The following SLC27A2 variants were observed in gnomAD, a reference collection of about 807,000 sequenced individuals.
SLC27A2 encodes long-chain fatty acid transport protein 2.
Under a neutral mutation model 60.0 loss-of-function variants are expected in SLC27A2, and 54 were observed. That is an observed-to-expected ratio of 0.90 (90% confidence interval 0.72 to 1.13). SLC27A2 has a LOEUF of 1.13. Among genes scored for constraint, SLC27A2 ranks in the 50% most tolerant of loss-of-function variants. The pLI, the probability that SLC27A2 is intolerant of heterozygous loss-of-function variation, is 0.00. For missense variants in SLC27A2, 739 were observed against 777.6 expected (o/e 0.95, Z 0.59); for synonymous variants, 297 against 297.6 (o/e 1.00, Z 0.02).
At chr15:50,212,659 T>C (rs1173216667) in intron 4 of SLC27A2, among the ~76,000 whole-genome samples, 1 of 152,190 alleles carries the variant, frequency 6.6e-6, no homozygotes, top group East Asian at 1.9e-4. Flanking sequence ...AAAACAAGTG[T>C]AAGCCAAGAA....
At chr15:50,216,755 TATATATATATTCCATAAAA>T (rs1310739019) in intron 4 of SLC27A2, among the ~76,000 whole-genome samples, 26 of 144,872 alleles carry the variant, frequency 1.8e-4, no homozygotes, top group African/African-American at 6.3e-4. Context: ...CCATATGATA[TATATATATATTCCATAAAA>T]ATATATATAT....
At chr15:50,220,684 T>C (rs1395388163) in intron 4 of SLC27A2, among the ~76,000 whole-genome samples, 2 of 152,178 alleles carry the variant, frequency 1.3e-5, no homozygotes, top group Non-Finnish European at 2.9e-5. Context: ...GGTCTCTGAA[T>C]ACTGACAGTC....
intron 3 of SLC27A2, among the ~76,000 whole-genome samples, chr15:50,204,130 CTTA>C (rs2045088845): frequency 6.6e-6 from 1 of 152,134 alleles, no homozygotes; most frequent in South Asian, 2.1e-4. Context: ...CACATAAGTA[CTTA>C]ACACAAACTT....
chr15:50,214,440 A>T lies in SLC27A2; in HGVS notation c.973-8525A>T, dbSNP rs144813858. On this transcript the variant is annotated intron_variant, in intron 4 of 9. Coordinates refer to ENST00000267842, the MANE Select transcript of SLC27A2 (RefSeq NM_003645.4). The stretch of plus-strand genomic sequence containing the variant: ...TTTGACACTATTCCACAAGATAGAG[A>T]AAGAAGGAACCCTCCCTAATTCATT... Among the ~76,000 whole-genome samples, 663 of 152,220 alleles carry T rather than the reference A, an allele frequency of 4.4e-3. 7 individuals are homozygous for T. Among genetic ancestry groups the T allele is most frequent in the African/African-American group, 0.015 (626 of 41,534 alleles).
intron 1 of SLC27A2, among the ~76,000 whole-genome samples, chr15:50,185,215 C>G (rs1179696999): frequency 6.6e-6 from 1 of 152,184 alleles, no homozygotes; most frequent in Non-Finnish European, 1.5e-5. Context: ...ACCCAGCTAA[C>G]AGTTGTCTGC....
At chr15:50,226,183 G>A (rs998717279) in intron 6 of SLC27A2, 105 bp downstream of exon 6, 12 of 686,466 alleles carry the variant, frequency 1.7e-5, no homozygotes, top group Non-Finnish European at 7.8e-6. Context: ...TATCAGAGTG[G>A]GGAAAAGGGG....
rs199584990 is a variant in SLC27A2, at chr15:50,192,887, GA to G, written c.479-4603del. On this transcript the variant is annotated intron_variant, in intron 1 of 9. Transcript: ENST00000267842. ...ATGATTACTTGGAGGTGAAAAATAA[GA>G]AAAAAAAAAGACTGTTGCTAAGTCC... 3.8e-3 allele frequency among the ~76,000 whole-genome samples: 549 copies of G among 146,292 alleles called. 3 individuals carry two copies. The highest frequency in any genetic ancestry group is 0.013 in the African/African-American group (516 of 39,750).
At chr15:50,211,595 C>T (rs1289912631) in intron 4 of SLC27A2, among the ~76,000 whole-genome samples, 1 of 152,140 alleles carries the variant, frequency 6.6e-6, no homozygotes, top group African/African-American at 2.4e-5. Flanking sequence ...AAAGATCACA[C>T]TAGTTCACCA....
chr15:50,188,096 G>A (rs573043184), intron 1 of SLC27A2, among the ~76,000 whole-genome samples: 4 of 152,090 alleles, frequency 2.6e-5, no homozygotes, highest in South Asian at 2.1e-4. Flanking sequence ...GAACTAAACC[G>A]CATGCACAAA....
At chr15:50,212,491 C>G (rs1333918470) in intron 4 of SLC27A2, among the ~76,000 whole-genome samples, 2 of 152,208 alleles carry the variant, frequency 1.3e-5, no homozygotes, top group East Asian at 3.8e-4. Flanking sequence ...ACATTGTCAT[C>G]AGGTTATCCA....
At chr15:50,218,711 A>T (rs529798124) in intron 4 of SLC27A2, among the ~76,000 whole-genome samples, 11 of 152,288 alleles carry the variant, frequency 7.2e-5, no homozygotes, top group East Asian at 3.9e-4. Flanking sequence ...AAATAAAATT[A>T]AAAAAACTTA....
At chr15:50,201,556 T>C (rs1431689757) in intron 2 of SLC27A2, among the ~76,000 whole-genome samples, 1 of 149,060 alleles carries the variant, frequency 6.7e-6, no homozygotes, top group African/African-American at 2.5e-5. Context: ...AGAGTGTGCA[T>C]ATTTCTTTTT....
In SLC27A2 at chr15:50,197,483, T is replaced by C. The variant is rs747662803; in HGVS notation, c.479-17T>C. The C allele has an allele frequency of 6.3e-7, 1 of 1,585,556 alleles. No homozygotes were observed. The highest frequency in any genetic ancestry group is 8.7e-7 in the Non-Finnish European group (1 of 1,154,964). On this transcript the variant is annotated splice_polypyrimidine_tract_variant and intron_variant, in intron 1 of 9. Transcript: ENST00000267842. Reference sequence around the variant, plus strand: ...GACTGATTTAGTTTGTTTTGATATTTTTCTTATTAAATTAAGAACTACAAG... The same window carrying C: ...GACTGATTTAGTTTGTTTTGATATTCTTCTTATTAAATTAAGAACTACAAG...
At chr15:50,187,130 T>G (rs2044931214) in intron 1 of SLC27A2, among the ~76,000 whole-genome samples, 1 of 152,238 alleles carries the variant, frequency 6.6e-6, no homozygotes, top group Non-Finnish European at 1.5e-5. Flanking sequence ...TCTTTTCAAT[T>G]TTACTATAGT....
At chr15:50,199,873 AC>A (rs1287847181) in intron 2 of SLC27A2, among the ~76,000 whole-genome samples, 1 of 152,206 alleles carries the variant, frequency 6.6e-6, no homozygotes, top group Non-Finnish European at 1.5e-5. Flanking sequence ...GGCTACAGTG[AC>A]GTGCCACTAC....
At chr15:50,199,410 G>A (rs913432519) in intron 2 of SLC27A2, among the ~76,000 whole-genome samples, 4 of 150,728 alleles carry the variant, frequency 2.7e-5, no homozygotes, top group Non-Finnish European at 4.4e-5. Context: ...CCAGGGAGGC[G>A]GAGCTTGCAG....
At chr15:50,185,283 G>A (rs1056426134) in intron 1 of SLC27A2, among the ~76,000 whole-genome samples, 16 of 152,100 alleles carry the variant, frequency 1.1e-4, no homozygotes, top group African/African-American at 3.6e-4. Context: ...AAACTCAAAC[G>A]TGAACCAGAC....
chr15:50,205,219 T>C lies in SLC27A2; in HGVS notation c.848-20T>C, dbSNP rs113888482. 81 of 1,588,870 alleles carry C rather than the reference T, an allele frequency of 5.1e-5. No homozygotes were observed. The African/African-American group carries it at 8.4e-4, about 17-fold the overall frequency. ...TTTTCCACCATTTCTTTCTTGACAC[T>C]TTCTGTGCTTTCTCTGTAGGTGCTA... On this transcript the variant is annotated intron_variant, in intron 3 of 9. Transcript: ENST00000267842.
intron 6 of SLC27A2, 59 bp downstream of exon 6, chr15:50,226,137 T>C (rs1460777991): frequency 9.2e-7 from 1 of 1,088,356 alleles, no homozygotes; most frequent in East Asian, 2.4e-5. Context: ...CAAGTGACTT[T>C]TAAGGACTAA....
Sources: gnomAD v4.1 joint callset for allele counts (sites outside exome capture counted in the v4.1 genomes callset) on GRCh38, gnomAD v4.1.1 for gene constraint, MANE v1.5 for transcripts, NCBI Gene and HGNC (gene_info 2026-07-23, HGNC 2026-07-21) for gene names.